LSAMP: variants seen among roughly 807,000 people sequenced by gnomAD.
The protein encoded by LSAMP is limbic system-associated membrane protein.
In LSAMP, 7 loss-of-function variants were observed where a neutral mutation model predicts 38.6. That is an observed-to-expected ratio of 0.18 (90% confidence interval 0.10 to 0.34). LSAMP has a LOEUF of 0.34. Among genes scored for constraint, LSAMP ranks in the 10% least tolerant of loss-of-function variants. The pLI is 1.00. For missense variants in LSAMP, 313 were observed against 420.0 expected (o/e 0.75, Z 2.23); for synonymous variants, 154 against 166.8 (o/e 0.92, Z 0.59).
chr3:116,061,436 G>GATGCTTCT (rs5851989), intron 2 of LSAMP, among the ~76,000 whole-genome samples: 3 of 151,420 alleles, frequency 2.0e-5, no homozygotes, highest in Admixed American at 2.0e-4. Flanking sequence ...GCATGGGCAT[G>GATGCTTCT]GTGATACAGC....
intron 1 of LSAMP, among the ~76,000 whole-genome samples, chr3:116,090,594 C>T (rs898203251): frequency 6.6e-6 from 1 of 152,190 alleles, no homozygotes; most frequent in Non-Finnish European, 1.5e-5. Flanking sequence ...GGGGGACCTG[C>T]CCCGGAAAAT....
intron 1 of LSAMP, among the ~76,000 whole-genome samples, chr3:116,133,369 C>A: frequency 6.6e-6 from 1 of 152,056 alleles, no homozygotes; most frequent in East Asian, 1.9e-4. Context: ...CAGCTCACTG[C>A]AGCCTCAATC....
chr3:116,239,665 A>G (rs1174358791), intron 1 of LSAMP, among the ~76,000 whole-genome samples: 1 of 152,158 alleles, frequency 6.6e-6, no homozygotes, highest in African/African-American at 2.4e-5. Context: ...GGGTCTTTTA[A>G]AAATAGTGAG....
At chr3:116,285,626 T>C (rs975629438) in intron 1 of LSAMP, among the ~76,000 whole-genome samples, 1 of 152,172 alleles carries the variant, frequency 6.6e-6, no homozygotes, top group African/African-American at 2.4e-5. Context: ...AAACAAGTGA[T>C]GGTATTTGCT....
intron 1 of LSAMP, among the ~76,000 whole-genome samples, chr3:116,175,734 C>G (rs1010643745): frequency 6.6e-6 from 1 of 151,652 alleles, no homozygotes; most frequent in Non-Finnish European, 1.5e-5. Flanking sequence ...GAGACTGGGT[C>G]AAAGTGAGTG....
At chr3:115,986,319 G>A (rs1010886368) in intron 3 of LSAMP, among the ~76,000 whole-genome samples, 2 of 152,078 alleles carry the variant, frequency 1.3e-5, no homozygotes, top group Non-Finnish European at 2.9e-5. Flanking sequence ...AGTTAACTGA[G>A]TTCAAAAGAA....
At chr3:116,120,852 GA>G (rs1708857880) in intron 1 of LSAMP, among the ~76,000 whole-genome samples, 1 of 152,176 alleles carries the variant, frequency 6.6e-6, no homozygotes, top group African/African-American at 2.4e-5. Flanking sequence ...AAACTTGATG[GA>G]TGCATCAGGC....
At chr3:116,005,119 T>C (rs574779586) in intron 3 of LSAMP, among the ~76,000 whole-genome samples, 1 of 152,268 alleles carries the variant, frequency 6.6e-6, no homozygotes, top group Admixed American at 6.5e-5. Flanking sequence ...AGAAAAGATC[T>C]GAATATTCAT....
intron 3 of LSAMP, among the ~76,000 whole-genome samples, chr3:116,008,035 C>T (rs569429464): frequency 3.3e-5 from 5 of 152,148 alleles, no homozygotes; most frequent in Admixed American, 1.3e-4. Flanking sequence ...TATTAGCAAG[C>T]GGAGTGCTTT....
chr3:116,152,545 T>C (rs1410257586), intron 1 of LSAMP, among the ~76,000 whole-genome samples: 1 of 152,122 alleles, frequency 6.6e-6, no homozygotes, highest in Non-Finnish European at 1.5e-5. Flanking sequence ...GAAAGACTAT[T>C]CATTTGTTCT....
intron 6 of LSAMP, chr3:115,834,420 T>G (rs1934715883): frequency 3.2e-6 from 2 of 624,812 alleles, no homozygotes; most frequent in Admixed American, 5.0e-5. Flanking sequence ...ATTGGCTTTT[T>G]AAAAAAGGTT....
In LSAMP at chr3:116,311,910, A is replaced by G. The variant is rs1056478628; in HGVS notation, c.155+132967T>C. On this transcript the variant is annotated intron_variant, in intron 1 of 6. Coordinates refer to ENST00000490035, the MANE Select transcript of LSAMP (RefSeq NM_002338.5). ...AGAAACTACATCTGTTAAGTAAGCC[A>G]TTGGAATAATTTGAAGAAATAAAGC... Among the ~76,000 whole-genome samples the G allele has an allele frequency of 8.5e-5, 13 of 152,334 alleles. No individual in the cohort carries two copies. In the South Asian group the frequency reaches 2.7e-3, roughly 32 times the overall value.
At chr3:115,900,512 C>CAAAA (rs5851983) in intron 3 of LSAMP, among the ~76,000 whole-genome samples, 1 of 74,362 alleles carries the variant, frequency 1.3e-5, no homozygotes, top group Admixed American at 1.5e-4. Context: ...TGAGACTGTC[C>CAAAA]AAAAAAAAAA....
chr3:116,138,452 A>T (rs4146783), intron 1 of LSAMP, among the ~76,000 whole-genome samples: 151,005 of 152,186 alleles, frequency 0.99, 74,927 homozygotes, highest in Middle Eastern at 1. Context: ...AAAGTTAATC[A>T]ACCTTAAGCA....
chr3:116,376,159 T>A (rs1168404137), intron 1 of LSAMP, among the ~76,000 whole-genome samples: 1 of 152,038 alleles, frequency 6.6e-6, no homozygotes, highest in African/African-American at 2.4e-5. Context: ...GTTAGATATT[T>A]TGAGTCTTAT....
At chr3:115,969,466 T>C (rs1647419055) in intron 3 of LSAMP, among the ~76,000 whole-genome samples, 1 of 152,192 alleles carries the variant, frequency 6.6e-6, no homozygotes, top group South Asian at 2.1e-4. Flanking sequence ...AGCAGAGCAC[T>C]TCTTCCTCTG....
chr3:116,090,449 TGTGC>T (rs1708095165), intron 1 of LSAMP, among the ~76,000 whole-genome samples: 1 of 152,180 alleles, frequency 6.6e-6, no homozygotes, highest in Admixed American at 6.5e-5. Flanking sequence ...CTGGCTCAAC[TGTGC>T]ATTAGGCAGG....
At chr3:115,885,287 C>T (rs527791511) in intron 3 of LSAMP, among the ~76,000 whole-genome samples, 1 of 151,964 alleles carries the variant, frequency 6.6e-6, no homozygotes, top group South Asian at 2.1e-4. Context: ...ACAACAGAAG[C>T]TATTTTGTGT....
intron 3 of LSAMP, among the ~76,000 whole-genome samples, chr3:115,998,464 A>G (rs1180095870): frequency 6.6e-6 from 1 of 152,090 alleles, no homozygotes; most frequent in Non-Finnish European, 1.5e-5. Context: ...TTGAATTCAC[A>G]AAGTGTAATG....
Sources: allele counts gnomAD v4.1 joint callset (sites outside exome capture counted in the v4.1 genomes callset), GRCh38; gene constraint gnomAD v4.1.1; transcripts MANE v1.5; gene names NCBI Gene and HGNC (gene_info 2026-07-23, HGNC 2026-07-21).